Variants in ZNF318 observed in about 807,000 individuals in gnomAD.
ZNF318 encodes zinc finger protein 318.
ZNF318 carries 51 observed loss-of-function variants against 124.2 expected under a neutral mutation model. The observed-to-expected ratio is 0.41, with a 90% confidence interval of 0.33 to 0.52. ZNF318 has a LOEUF of 0.52. Ranked by LOEUF, ZNF318 falls within the 20% of genes least tolerant of loss-of-function variation. The pLI is 0.23. For synonymous variants in ZNF318, 1,090 were observed against 1,040.7 expected (o/e 1.05, Z -0.91); for missense variants, 2,815 against 2,811.2 (o/e 1.00, Z -0.03).
At chr6:43,343,573 A>C (rs918714822) in intron 6 of ZNF318, among the ~76,000 whole-genome samples, 1 of 152,204 alleles carries the variant, frequency 6.6e-6, no homozygotes, top group African/African-American at 2.4e-5. Flanking sequence ...TCACACCTGT[A>C]ATCCCATCAC....
rs746331614 is a variant in ZNF318 at position 43,338,640 on chromosome 6, C to CT, written c.5357dup (p.Glu1787GlyfsTer4). ...CATCAACTATCCCCTCAGACAGCTC[C>CT]TTTACCCTTTCTTTTAGTTCAGTGT... On this transcript the variant is annotated frameshift_variant, in exon 10 of 10. Coordinates refer to ENST00000361428, the MANE Select transcript of ZNF318 (RefSeq NM_014345.3). LOFTEE classifies it low-confidence loss of function (END_TRUNC). 1.9e-6 allele frequency: 3 copies of CT among 1,614,042 alleles called. No homozygotes were observed. In the African/African-American group the frequency reaches 4.0e-5, roughly 22 times the overall value.
At chr6:43,360,789 T>G (rs1167745432) in intron 2 of ZNF318, among the ~76,000 whole-genome samples, 1 of 152,062 alleles carries the variant, frequency 6.6e-6, no homozygotes, top group Non-Finnish European at 1.5e-5. Context: ...CAAACACGGA[T>G]GAACCTTAAA....
chr6:43,363,856 GCCACTGCCACCTGCGGGGCCAT>G, intron 2 of ZNF318: 1 of 862,732 alleles, frequency 1.2e-6, no homozygotes, highest in Admixed American at 2.0e-5. Context: ...CAAGGAGGTG[GCCACTGCCACCTGCGGGGCCAT>G]CATCCTGGCC....
At chr6:43,349,538 T>C (rs990223731) in intron 5 of ZNF318, among the ~76,000 whole-genome samples, 1 of 152,042 alleles carries the variant, frequency 6.6e-6, no homozygotes, top group African/African-American at 2.4e-5. Flanking sequence ...TTTTTTAATG[T>C]TATCTCCTGT....
chr6:43,354,802 A>G lies in ZNF318; in HGVS notation c.2532T>C (p.Asp844=), dbSNP rs1470644499. The G allele has an allele frequency of 6.2e-7, 1 of 1,614,194 alleles. No homozygotes were observed. The part of the protein sequence containing the change: ...NLRVIPTVTP[D]KPKQKESLRG... ...GCAGAGACTCTTTCTGCTTAGGCTTATCAGGAGTCACAGTGGGGATCACAC... is the reference window on the plus strand; with the variant it reads ...GCAGAGACTCTTTCTGCTTAGGCTTGTCAGGAGTCACAGTGGGGATCACAC... The change falls in exon 4 of 10, where the codon GAT becomes GAC. Residue 844 remains aspartate (D), a synonymous_variant. Transcript: ENST00000361428.
intron 1 of ZNF318, among the ~76,000 whole-genome samples, chr6:43,365,671 C>T (rs2150758339): frequency 6.6e-6 from 1 of 152,260 alleles, no homozygotes; most frequent in Non-Finnish European, 1.5e-5. Flanking sequence ...GTGGTCCCAA[C>T]TACTCAGGTG....
Position 43,338,705 on chromosome 6 carries a change from G to A in ZNF318, c.5293C>T (p.Arg1765Cys), listed in dbSNP as rs764202447. 6.8e-6 allele frequency: 11 copies of A among 1,613,896 alleles called. No individual in the cohort carries two copies. The highest frequency in any genetic ancestry group is 5.5e-5 in the South Asian group (5 of 91,070). Reference protein sequence around the residue: ...VNQDKESQELRKSEDCRESEI... With the variant: ...VNQDKESQELCKSEDCRESEI... ...CTTTCTCTACAATCCTCAGATTTAC[G>A]GAGCTCTTGGCTTTCCTTATCCTGG... Residue 1765 changes from arginine (R) to cysteine (C), a missense_variant, in exon 10 of 10, where the codon CGT becomes TGT. Transcript: ENST00000361428.
Position 43,338,490 on chromosome 6 carries a change from T to G in ZNF318, c.5508A>C (p.Glu1836Asp). The change falls in exon 10 of 10, where the codon GAA (glutamate) becomes GAC (aspartate). Residue 1836 changes from glutamate to aspartate, a missense_variant. Glu to Asp is a conservative substitution (Grantham distance 45, BLOSUM62 2). Transcript: ENST00000361428. ...PNLLMIDKEA[E>D]QSNKLMTGSE... ...TTCCTGTCATCAATTTATTGGACTG[T>G]TCAGCCTCTTTGTCAATCATTAGCA... 1 of 1,614,232 alleles carries G rather than the reference T, an allele frequency of 6.2e-7. No homozygotes were observed. Among genetic ancestry groups the G allele is most frequent in the Non-Finnish European group, 8.5e-7 (1 of 1,180,034 alleles).
chr6:43,365,242 T>A (rs1779743044), intron 2 of ZNF318, 50 bp downstream of exon 2: 2 of 1,565,688 alleles, frequency 1.3e-6, no homozygotes, highest in African/African-American at 2.7e-5. Flanking sequence ...ACAGCAACAT[T>A]TCTGCCTTCA....
chr6:43,339,036 C>T lies in ZNF318; in HGVS notation c.4962G>A (p.Gly1654=), dbSNP rs1779332136. 2 of 1,614,144 alleles carry T rather than the reference C, an allele frequency of 1.2e-6. No individual in the cohort carries two copies. The highest frequency in any genetic ancestry group is 1.7e-6 in the Non-Finnish European group (2 of 1,180,030). ...CTACATGTTCTACAACTGACCATTTCCCTAGGGCCACCAGAGTTTTTGCAA... is the reference window on the plus strand; with the variant it reads ...CTACATGTTCTACAACTGACCATTTTCCTAGGGCCACCAGAGTTTTTGCAA... ...KPIAKTLVAL[G]KWSVVEHVGP... is the part of the protein sequence containing the mutation. The change falls in exon 10 of 10, where the codon GGG becomes GGA. Residue 1654 remains glycine (G), a synonymous_variant. Transcript: ENST00000361428. This position sits in a 1 kb window ranked among gnomAD's most constrained non-coding sequence, Gnocchi z 4.2.
rs771310923 is a variant in ZNF318 at position 43,339,881 on chromosome 6, G to C, written c.4117C>G (p.Leu1373Val). The C allele has an allele frequency of 6.2e-7, 1 of 1,614,188 alleles. No individual in the cohort carries two copies. The highest frequency in any genetic ancestry group is 1.3e-5 in the African/African-American group (1 of 75,054). ...CSATMSKPAP[L>V]NTFLSIKSSG... ...GACTTAATAGACAGAAAGGTGTTAA[G>C]AGGAGCTGGCTTGCTCATTGTGGCT... Residue 1373 changes from leucine to valine, a missense_variant, in exon 10 of 10, where the codon CTT (leucine) becomes GTT (valine). Leu to Val is a conservative substitution (Grantham distance 32). Around this residue, in one of 4 missense-constraint regions of ZNF318, gnomAD observed 500 missense variants for 605.2 expected, o/e 0.83. Coordinates refer to ENST00000361428, the MANE Select transcript of ZNF318 (RefSeq NM_014345.3). This position sits in a 1 kb window ranked among gnomAD's most constrained non-coding sequence, Gnocchi z 4.2.
chr6:43,359,294 G>A (rs1053542495), intron 2 of ZNF318, among the ~76,000 whole-genome samples: 7 of 152,100 alleles, frequency 4.6e-5, no homozygotes, highest in Non-Finnish European at 8.8e-5. Context: ...TAAATACAAA[G>A]GTCTCAGACC....
In ZNF318 at chr6:43,339,559, G is replaced by T; in HGVS notation, c.4439C>A (p.Pro1480Gln). 1 of 1,613,790 alleles carries T rather than the reference G, an allele frequency of 6.2e-7. No individual in the cohort carries two copies. The highest frequency in any genetic ancestry group is 8.5e-7 in the Non-Finnish European group (1 of 1,179,958). The part of the protein sequence containing the change: ...NAILAPVKSN[P>Q]VVSQTLSPGF... ...AGGGCTGAGAGTCTGAGATACAACT[G>T]GGTTTGATTTTACTGGAGCCAAGAT... Residue 1480 changes from proline to glutamine, a missense_variant, in exon 10 of 10, where the codon CCA (proline) becomes CAA (glutamine). Pro to Gln is a moderately conservative substitution (Grantham distance 76). Around this residue, in one of 4 missense-constraint regions of ZNF318, gnomAD observed 500 missense variants for 605.2 expected, o/e 0.83. Transcript: ENST00000361428. The surrounding 1 kb of genome is among the most constrained non-coding windows in gnomAD (Gnocchi z 4.2).
At chr6:43,342,081 A>G in intron 8 of ZNF318, 31 bp downstream of exon 8, 1 of 1,599,818 alleles carries the variant, frequency 6.3e-7, no homozygotes, top group South Asian at 1.1e-5. Context: ...GAATGTAAGG[A>G]AACCACAAAG....
chr6:43,360,744 CAATAA>C (rs1779670517), intron 2 of ZNF318, among the ~76,000 whole-genome samples: 2 of 151,784 alleles, frequency 1.3e-5, no homozygotes, highest in Non-Finnish European at 2.9e-5. Flanking sequence ...TATATCCATA[CAATAA>C]AATATTATCA....
At chr6:43,356,214 C>G (rs566815897) in intron 3 of ZNF318, 69 bp from the exon 4 acceptor site, 2 of 1,490,556 alleles carry the variant, frequency 1.3e-6, no homozygotes, top group Non-Finnish European at 1.8e-6. Context: ...GAGATAAATA[C>G]TTAAATACTT....
chr6:43,348,925 C>T (rs1779489544), intron 5 of ZNF318, among the ~76,000 whole-genome samples: 1 of 151,994 alleles, frequency 6.6e-6, no homozygotes, highest in Non-Finnish European at 1.5e-5. Flanking sequence ...TTCTATTTAC[C>T]CGGGAGGCTG....
chr6:43,342,538 G>A, intron 7 of ZNF318, 138 bp downstream of exon 7: 1 of 862,246 alleles, frequency 1.2e-6, no homozygotes, highest in Admixed American at 2.6e-5. Flanking sequence ...TCCTTTGTTG[G>A]TGTCTCTTGG....
At chr6:43,340,735 C>A in intron 9 of ZNF318, 55 bp downstream of exon 9, 2 of 1,557,486 alleles carry the variant, frequency 1.3e-6, no homozygotes, top group Non-Finnish European at 8.8e-7. Context: ...TTGACAAAGT[C>A]AAAATAATTA....
Sources: allele counts gnomAD v4.1 joint callset (sites outside exome capture counted in the v4.1 genomes callset), GRCh38; gene constraint gnomAD v4.1.1; regional missense constraint gnomAD v4.1.1; non-coding constraint Gnocchi (gnomAD v3.1); transcripts MANE v1.5; gene names NCBI Gene and HGNC (gene_info 2026-07-23, HGNC 2026-07-21).